Variants in LMX1A observed in about 807,000 individuals in gnomAD.
The protein encoded by LMX1A is LIM homeobox transcription factor 1 alpha, also known as LIM homeobox transcription factor 1-alpha.
LMX1A carries 15 observed loss-of-function variants against 49.1 expected under a neutral mutation model. That is an observed-to-expected ratio of 0.31 (90% CI 0.20 to 0.47). LMX1A has a LOEUF of 0.47. LMX1A is among the 20% of genes least tolerant of loss of function. The pLI is 1.00. For missense variants in LMX1A, 372 were observed against 475.8 expected (o/e 0.78, Z 2.03); for synonymous variants, 167 against 185.7 (o/e 0.90, Z 0.82).
At chr1:165,350,214 A>C (rs1656385807) in intron 3 of LMX1A, among the ~76,000 whole-genome samples, 1 of 151,386 alleles carries the variant, frequency 6.6e-6, no homozygotes, top group South Asian at 2.1e-4. Flanking sequence ...CTATGTTTAC[A>C]AATGTATTTT....
intron 7 of LMX1A, among the ~76,000 whole-genome samples, chr1:165,206,711 A>G (rs1227910856): frequency 6.6e-6 from 1 of 152,158 alleles, no homozygotes; most frequent in Non-Finnish European, 1.5e-5. Context: ...CTAGGGATGC[A>G]CACAGCCTGA....
chr1:165,289,221 G>C (rs16842099), intron 3 of LMX1A, among the ~76,000 whole-genome samples: 1,949 of 139,178 alleles, frequency 0.014, 46 homozygotes, highest in African/African-American at 0.05. Flanking sequence ...GTGTGCTCAA[G>C]TGCTTTTCTC....
intron 3 of LMX1A, among the ~76,000 whole-genome samples, chr1:165,348,339 A>T (rs1232820722): frequency 6.6e-6 from 1 of 152,170 alleles, no homozygotes; most frequent in Non-Finnish European, 1.5e-5. Context: ...ATTCCAAGAA[A>T]GTCTTACCCA....
chr1:165,329,642 A>AC (rs1161229301), intron 3 of LMX1A, among the ~76,000 whole-genome samples: 2 of 152,034 alleles, frequency 1.3e-5, no homozygotes, highest in Non-Finnish European at 2.9e-5. Flanking sequence ...CAAAAAAAAA[A>AC]ACCTTACAGT....
chr1:165,249,416 G>C lies in LMX1A; in HGVS notation c.488C>G (p.Ser163Ter). The change falls in exon 4 of 9, where the codon TCA (serine) becomes TGA (stop). Residue 163 changes from serine (S) to a stop codon, truncating the protein, a stop_gained. Coordinates refer to ENST00000342310, the MANE Select transcript of LMX1A (RefSeq NM_177398.4). LOFTEE classifies it high-confidence loss of function. ...ELLSLVSPAA[S>*]DSGKSDDEES... Reference sequence around the variant, plus strand: ...CACCACCTGGCACTCACCTGAGTCTGAGGCTGCTGGGCTCACCAGGCTGAG... The same window carrying C: ...CACCACCTGGCACTCACCTGAGTCTCAGGCTGCTGGGCTCACCAGGCTGAG... The C allele has an allele frequency of 6.2e-7, 1 of 1,613,440 alleles. No individual in the cohort carries two copies. The highest frequency in any genetic ancestry group is 8.5e-7 in the Non-Finnish European group (1 of 1,179,336).
intron 3 of LMX1A, among the ~76,000 whole-genome samples, chr1:165,283,078 G>A (rs999487231): frequency 1.3e-5 from 2 of 152,218 alleles, no homozygotes; most frequent in African/African-American, 4.8e-5. Context: ...GTCATATGAT[G>A]AATAAAGACT....
chr1:165,237,931 C>T lies in LMX1A; in HGVS notation c.496+11477G>A, dbSNP rs77689098. Among the ~76,000 whole-genome samples the T allele has an allele frequency of 6.8e-4, 104 of 152,328 alleles. 2 individuals are homozygous for T. The highest frequency in any genetic ancestry group is 2.4e-3 in the African/African-American group (98 of 41,576). On this transcript the variant is annotated intron_variant, in intron 4 of 8. Transcript: ENST00000342310. ...GAAAACCAGTGTCTTCCCTGCACCT[C>T]CTCCCCGATCCTTATTACACAATAG...
intron 4 of LMX1A, among the ~76,000 whole-genome samples, chr1:165,233,710 C>T (rs1039261696): frequency 6.6e-6 from 1 of 152,194 alleles, no homozygotes; most frequent in Non-Finnish European, 1.5e-5. Context: ...TCTCAGTCAT[C>T]CTCAACTTCA....
chr1:165,261,889 T>A (rs896830181), intron 3 of LMX1A, among the ~76,000 whole-genome samples: 2 of 152,154 alleles, frequency 1.3e-5, no homozygotes, highest in African/African-American at 4.8e-5. Flanking sequence ...AGGTACTATT[T>A]AATGAGCATA....
chr1:165,343,574 G>A (rs927484441), intron 3 of LMX1A, among the ~76,000 whole-genome samples: 4 of 152,070 alleles, frequency 2.6e-5, no homozygotes, highest in South Asian at 2.1e-4. Context: ...TTGACAATAG[G>A]ACATGCGTTT....
At chr1:165,310,859 A>C (rs1655058680) in intron 3 of LMX1A, among the ~76,000 whole-genome samples, 1 of 152,214 alleles carries the variant, frequency 6.6e-6, no homozygotes. Context: ...AGGACTTGAG[A>C]AAGTATGTTG....
intron 4 of LMX1A, among the ~76,000 whole-genome samples, chr1:165,241,360 C>A (rs1011926028): frequency 6.6e-6 from 1 of 152,234 alleles, no homozygotes; most frequent in Non-Finnish European, 1.5e-5. Flanking sequence ...CTGGCTCTCA[C>A]ACTAGGAGAT....
intron 3 of LMX1A, among the ~76,000 whole-genome samples, chr1:165,334,122 C>T (rs1655829911): frequency 6.6e-6 from 1 of 152,134 alleles, no homozygotes; most frequent in African/African-American, 2.4e-5. Context: ...GGTCAAGACA[C>T]ACAAAACAGT....
At chr1:165,323,037 C>A (rs552617854) in intron 3 of LMX1A, among the ~76,000 whole-genome samples, 4 of 152,128 alleles carry the variant, frequency 2.6e-5, no homozygotes, top group Non-Finnish European at 5.9e-5. Context: ...GAATACCTCC[C>A]TTACTCCCCT....
At chr1:165,275,313 C>A (rs1034289758) in intron 3 of LMX1A, among the ~76,000 whole-genome samples, 4 of 152,196 alleles carry the variant, frequency 2.6e-5, no homozygotes, top group Non-Finnish European at 5.9e-5. Context: ...CTGATTAATA[C>A]ATTAATGGCA....
In LMX1A at chr1:165,332,874, A is replaced by T. The variant is rs563286982; in HGVS notation, c.263+20202T>A. On this transcript the variant is annotated intron_variant, in intron 3 of 8. Coordinates refer to ENST00000342310, the MANE Select transcript of LMX1A (RefSeq NM_177398.4). ...AAGGGTTGGCATAACCTTTCCACAT[A>T]GCTTGGTGACTGAAGCAGACAGCAT... Among the ~76,000 whole-genome samples, 55 of 152,278 alleles carry T rather than the reference A, an allele frequency of 3.6e-4. No individual in the cohort carries two copies. In the South Asian group the frequency reaches 3.7e-3, roughly 10 times the overall value.
chr1:165,239,075 T>A (rs55853890), intron 4 of LMX1A, among the ~76,000 whole-genome samples: 87,384 of 121,700 alleles, frequency 0.72, 26,692 homozygotes, highest in African/African-American at 0.83. Context: ...CATGAAAAAA[T>A]CATGATGTGA....
chr1:165,217,149 T>A (rs986720810), intron 4 of LMX1A, among the ~76,000 whole-genome samples: 3 of 152,154 alleles, frequency 2.0e-5, no homozygotes, highest in African/African-American at 7.2e-5. Flanking sequence ...CTAGCCAACA[T>A]GTAGAGCTGG....
At chr1:165,225,523 T>C (rs1436960867) in intron 4 of LMX1A, among the ~76,000 whole-genome samples, 2 of 152,244 alleles carry the variant, frequency 1.3e-5, no homozygotes, top group African/African-American at 4.8e-5. Context: ...CATTAAAAAC[T>C]CTTCAATACT....
Sources: gnomAD v4.1 joint callset for allele counts (sites outside exome capture counted in the v4.1 genomes callset) on GRCh38, gnomAD v4.1.1 for gene constraint, MANE v1.5 for transcripts, NCBI Gene and HGNC (gene_info 2026-07-23, HGNC 2026-07-21) for gene names.